JAKMIP3: variants seen among roughly 807,000 people sequenced by gnomAD.
JAKMIP3 encodes the protein Janus kinase and microtubule interacting protein 3.
Under a neutral mutation model 118.5 loss-of-function variants are expected in JAKMIP3, and 58 were observed. The ratio of observed to expected loss-of-function variants is 0.49; its 90% CI spans 0.40 to 0.61. The LOEUF (loss-of-function observed/expected upper bound fraction) is 0.61, where lower values mean the gene tolerates loss of function less well. Among genes scored for constraint, JAKMIP3 ranks in the 20% least tolerant of loss-of-function variants. The probability of loss-of-function intolerance (pLI) is 0.00; values close to 1 mark genes in which losing one functional copy is unlikely to be tolerated. For synonymous variants in JAKMIP3, 486 were observed against 451.2 expected (o/e 1.08, Z -0.98); for missense variants, 950 against 1,109.0 (o/e 0.86, Z 2.04).
chr10:132,120,033 G>A (rs1300090005), intron 3 of JAKMIP3, among the ~76,000 whole-genome samples: 1 of 152,158 alleles, frequency 6.6e-6, no homozygotes, highest in Non-Finnish European at 1.5e-5. Flanking sequence ...TCTTTCCATG[G>A]AGTCGTAGAA....
intron 16 of JAKMIP3, among the ~76,000 whole-genome samples, chr10:132,151,737 C>A (rs931788644): frequency 1.3e-5 from 2 of 152,156 alleles, no homozygotes; most frequent in Non-Finnish European, 2.9e-5. Flanking sequence ...AGCCCCATAG[C>A]TGTCCACCAA....
At chr10:132,167,097 G>A (rs1472673552) in intron 22 of JAKMIP3, 42 bp downstream of exon 22, 1 of 1,395,288 alleles carries the variant, frequency 7.2e-7, no homozygotes, top group South Asian at 1.3e-5. Context: ...GTCCCGCTCT[G>A]CTTCCCGGAA....
At position 132,073,562 on chromosome 10, in the gene JAKMIP3, T is replaced by C. The variant is rs1435435618; in HGVS notation, c.-138+7501T>C. ...CCCAGGCAGAAGTGCAGTGATGCGA[T>C]CTCAGCTCACTTCAGCCTTGACCTC... is the stretch of plus-strand genomic sequence containing the variant. On this transcript the variant is annotated intron_variant, in intron 1 of 23. Transcript: ENST00000684848. Among the ~76,000 whole-genome samples, 3 of 151,102 alleles carry C rather than the reference T, an allele frequency of 2.0e-5. No individual in the cohort carries two copies. The East Asian group carries it at 5.8e-4, about 29-fold the overall frequency.
intron 1 of JAKMIP3, among the ~76,000 whole-genome samples, chr10:132,057,283 C>T (rs867585522): frequency 1.3e-5 from 2 of 152,178 alleles, no homozygotes; most frequent in Non-Finnish European, 2.9e-5. Context: ...AGGGAAGAGG[C>T]GTGCGCTGAC....
intron 19 of JAKMIP3, among the ~76,000 whole-genome samples, chr10:132,157,317 A>G (rs1036063336): frequency 1.3e-5 from 2 of 152,090 alleles, no homozygotes; most frequent in African/African-American, 4.8e-5. Context: ...CTGACTGTGC[A>G]CAGCCAGGGC....
At chr10:132,144,845 C>G (rs779434675) in intron 11 of JAKMIP3, 25 of 400,702 alleles carry the variant, frequency 6.2e-5, no homozygotes, top group Middle Eastern at 7.1e-4. Flanking sequence ...GGGAGGATCA[C>G]TTGAGCTCGG....
intron 1 of JAKMIP3, among the ~76,000 whole-genome samples, chr10:132,103,572 G>C (rs1040897047): frequency 3.3e-5 from 5 of 151,966 alleles, no homozygotes; most frequent in African/African-American, 7.3e-5. Context: ...CAGAAGGAAA[G>C]TGTGAGGATC....
At position 132,136,089 on chromosome 10, in the gene JAKMIP3, G is replaced by A; in HGVS notation, c.1116+13G>A. The A allele has an allele frequency of 6.2e-7, 1 of 1,612,066 alleles. No homozygotes were observed. The highest frequency in any genetic ancestry group is 8.5e-7 in the Non-Finnish European group (1 of 1,179,230). ...GAACATAGAAATGGTGAGGGGGTGG[G>A]GGGCTCCACGGGGCCACGGTCGCAC... On this transcript the variant is annotated intron_variant, in intron 6 of 23. Coordinates refer to ENST00000684848, the MANE Select transcript of JAKMIP3 (RefSeq NM_001323087.2).
At chr10:132,141,727 C>T (rs779101636) in intron 10 of JAKMIP3, among the ~76,000 whole-genome samples, 193 bp from the exon 11 acceptor site, 1 of 152,188 alleles carries the variant, frequency 6.6e-6, no homozygotes, top group African/African-American at 2.4e-5. Flanking sequence ...TTTCTCCAAA[C>T]AGCACTGAGT....
intron 21 of JAKMIP3, 119 bp from the exon 22 acceptor site, chr10:132,166,864 C>T: frequency 1.3e-6 from 1 of 742,570 alleles, no homozygotes. Flanking sequence ...GCGTCCTCTC[C>T]TCCCTGCCAA....
chr10:132,053,711 C>A, intron 1 of JAKMIP3, among the ~76,000 whole-genome samples: 1 of 152,092 alleles, frequency 6.6e-6, no homozygotes, highest in Non-Finnish European at 1.5e-5. Flanking sequence ...GAGGGTTTGG[C>A]GCTGTTGGAG....
upstream of JAKMIP3, among the ~76,000 whole-genome samples, chr10:132,065,233 T>G (rs377531531): frequency 1.4e-4 from 21 of 152,136 alleles, no homozygotes; most frequent in African/African-American, 5.1e-4. This position sits in a 1 kb window ranked among gnomAD's most constrained non-coding sequence, Gnocchi z 5.6. Flanking sequence ...ACAGAGCGGC[T>G]GTCACACGGC....
chr10:132,138,216 C>G, intron 9 of JAKMIP3, 38 bp downstream of exon 9: 4 of 1,550,138 alleles, frequency 2.6e-6, no homozygotes, highest in East Asian at 4.7e-5. Flanking sequence ...GAGAGTACGC[C>G]GGGTGTGTGC....
At chr10:132,069,878 T>A (rs1030457195) in intron 1 of JAKMIP3, among the ~76,000 whole-genome samples, 3 of 152,192 alleles carry the variant, frequency 2.0e-5, no homozygotes, top group Non-Finnish European at 4.4e-5. Flanking sequence ...ACCAGCACCC[T>A]GTGTGTGGGC....
chr10:132,070,916 G>T (rs551724969), intron 1 of JAKMIP3, among the ~76,000 whole-genome samples: 2 of 152,124 alleles, frequency 1.3e-5, no homozygotes, highest in Non-Finnish European at 2.9e-5. Flanking sequence ...TTTCTATTTC[G>T]CTTACTTTGC....
chr10:132,160,107 C>T (rs192905469), intron 19 of JAKMIP3, among the ~76,000 whole-genome samples: 30 of 6,350 alleles, frequency 4.7e-3, no homozygotes, highest in South Asian at 0.031. Context: ...GTGATGCAGG[C>T]GGTGGCCTCT....
intron 2 of JAKMIP3, among the ~76,000 whole-genome samples, chr10:132,109,481 C>T (rs895125237): frequency 6.6e-6 from 1 of 152,140 alleles, no homozygotes; most frequent in Non-Finnish European, 1.5e-5. Flanking sequence ...TGTTCCTGCG[C>T]GCCCGCAGAG....
chr10:132,172,889 A>G (rs1449827033), intron 23 of JAKMIP3, among the ~76,000 whole-genome samples: 1 of 151,010 alleles, frequency 6.6e-6, no homozygotes, highest in South Asian at 2.1e-4. Flanking sequence ...CTGGAAATAC[A>G]TGTGCAAACC....
At chr10:132,139,082 G>A (rs1404864509) in intron 9 of JAKMIP3, among the ~76,000 whole-genome samples, 4 of 139,544 alleles carry the variant, frequency 2.9e-5, no homozygotes, top group African/African-American at 8.0e-5. Context: ...GTGTATGTGT[G>A]TGTGAGTGCG....
Sources: allele counts gnomAD v4.1 joint callset (sites outside exome capture counted in the v4.1 genomes callset), GRCh38; gene constraint gnomAD v4.1.1; non-coding constraint Gnocchi (gnomAD v3.1); transcripts MANE v1.5; gene names NCBI Gene and HGNC (gene_info 2026-07-23, HGNC 2026-07-21).